The following AKAP13 variants were observed in gnomAD, a reference collection of about 807,000 sequenced individuals.
The protein encoded by AKAP13 is A-kinase anchor protein 13.
AKAP13 carries 80 observed loss-of-function variants against 264.5 expected under a neutral mutation model. The observed-to-expected ratio is 0.30, with a 90% CI of 0.25 to 0.36. AKAP13 has a LOEUF of 0.36. Ranked by LOEUF, AKAP13 falls within the 10% of genes least tolerant of loss-of-function variation. The probability of loss-of-function intolerance (pLI) is 1.00; values close to 1 mark genes in which losing one functional copy is unlikely to be tolerated. For missense variants in AKAP13, 3,712 were observed against 3,435.2 expected (o/e 1.08, Z -2.01); for synonymous variants, 1,380 against 1,250.2 (o/e 1.10, Z -2.19).
rs372002113 is a variant in AKAP13, at chr15:85,686,190, C to CGTGTGT, written c.5289+1317_5289+1318insGTGTGT. On this transcript the variant is annotated intron_variant, in intron 16 of 36. Coordinates refer to ENST00000394518, the MANE Select transcript of AKAP13 (RefSeq NM_007200.5). ...GTATGTGTGTGTGTGCACGTGCATG[C>CGTGTGT]ATGTGTGTGTGTGTGTGGTATATAC... 8.9e-3 allele frequency among the ~76,000 whole-genome samples: 568 copies of CGTGTGT among 63,644 alleles called. 2 individuals are homozygous for CGTGTGT. Among genetic ancestry groups the CGTGTGT allele is most frequent in the South Asian group, 0.018 (35 of 1,976 alleles). The allele number at this position is 63,644 out of a possible 152,430, so 41.8% of individuals were successfully genotyped here. A position where few individuals can be genotyped will look rare whatever the true frequency, so the allele number is the denominator to read the frequency against.
At chr15:85,530,498 A>G (rs535367730) in intron 3 of AKAP13, among the ~76,000 whole-genome samples, 5 of 152,248 alleles carry the variant, frequency 3.3e-5, no homozygotes, top group African/African-American at 4.8e-5. Context: ...TCTGTTTTAC[A>G]TAGTGTAATC....
chr15:85,718,105 A>G lies in AKAP13; in HGVS notation c.5947A>G (p.Lys1983Glu), dbSNP rs762455496. The change falls in exon 22 of 37, where the codon AAG becomes GAG. Residue 1983 changes from lysine (K) to glutamate (E), a missense_variant. By Grantham distance (56) the Lys-to-Glu change is moderately conservative. This residue lies in a region of AKAP13 where 2,759 missense variants were observed against 2,411.7 expected (regional missense o/e 1.14). Transcript: ENST00000394518. This position sits in a 1 kb window ranked among gnomAD's most constrained non-coding sequence, Gnocchi z 4.9. ...GTCTTGGAGTCGGATAATAGACAGC[A>G]AGTTTCTAAAACAGCAAAAGAAAGA... The part of the protein sequence containing the change: ...AESWSRIIDS[K>E]FLKQQKKDVV... 6.2e-7 allele frequency: 1 copy of G among 1,614,198 alleles called. No individual in the cohort carries two copies. The highest frequency in any genetic ancestry group is 1.7e-5 in the Admixed American group (1 of 60,024).
chr15:85,580,832 G>C lies in AKAP13; in HGVS notation c.2764G>C (p.Ala922Pro). 6.2e-7 allele frequency: 1 copy of C among 1,614,102 alleles called. No individual in the cohort carries two copies. The highest frequency in any genetic ancestry group is 8.5e-7 in the Non-Finnish European group (1 of 1,180,034). The change falls in exon 7 of 37, where the codon GCA becomes CCA. Residue 922 changes from alanine (A) to proline (P), a missense_variant. Around this residue, in one of 3 missense-constraint regions of AKAP13, gnomAD observed 2,759 missense variants for 2,411.7 expected, o/e 1.14. Coordinates refer to ENST00000394518, the MANE Select transcript of AKAP13 (RefSeq NM_007200.5). ...GKLLVVSESS[A>P]AQEQDKDKAV... ...ACTTCTGGTGGTTTCAGAAAGCTCT[G>C]CAGCTCAGGAACAAGATAAGGATAA...
At chr15:85,713,162 G>A (rs2086721741) in intron 19 of AKAP13, among the ~76,000 whole-genome samples, 1 of 152,142 alleles carries the variant, frequency 6.6e-6, no homozygotes, top group Admixed American at 6.5e-5. Context: ...ACTTACTTGG[G>A]TAGAATATGG....
chr15:85,586,825 G>T (rs1490271026), intron 8 of AKAP13, among the ~76,000 whole-genome samples: 2 of 151,976 alleles, frequency 1.3e-5, no homozygotes, highest in East Asian at 3.9e-4. Flanking sequence ...CTACTTGGAA[G>T]GCTGAGGCAT....
rs199591631 is a variant in AKAP13, at chr15:85,527,354, T to A, written c.181+5779T>A. ...CCTAGGGCATACAATATTAAGGGAGTGATATCCTCCCAAGGGGGTGAAAAT... is the reference window on the plus strand; with the variant it reads ...CCTAGGGCATACAATATTAAGGGAGAGATATCCTCCCAAGGGGGTGAAAAT... On this transcript the variant is annotated intron_variant, in intron 3 of 36. Transcript: ENST00000394518. 2.0e-5 allele frequency among the ~76,000 whole-genome samples: 3 copies of A among 151,814 alleles called. No homozygotes were observed. In the East Asian group the frequency reaches 5.8e-4, roughly 29 times the overall value.
chr15:85,471,368 G>T lies in AKAP13; in HGVS notation c.-11-14342G>T, dbSNP rs1163222358. ...AAATTAGCCGGGTGTGGTGGCAGGT[G>T]CCTGTAGTCCCAGCTACTCCGGAGG... is the stretch of plus-strand genomic sequence containing the variant. On this transcript the variant is annotated intron_variant, in intron 1 of 36. Transcript: ENST00000394518. 2.0e-5 allele frequency among the ~76,000 whole-genome samples: 3 copies of T among 152,164 alleles called. No individual in the cohort carries two copies. The East Asian group carries it at 5.8e-4, about 29-fold the overall frequency.
At chr15:85,664,860 C>A (rs2083505319) in intron 13 of AKAP13, 105 bp downstream of exon 13, 2 of 1,064,844 alleles carry the variant, frequency 1.9e-6, no homozygotes, top group Non-Finnish European at 2.7e-6. Flanking sequence ...GATTACTTAC[C>A]CATTATATGA....
intron 8 of AKAP13, among the ~76,000 whole-genome samples, chr15:85,613,715 A>ATATATATATATATATATATATATATAT (rs1421387238): frequency 4.2e-4 from 32 of 76,900 alleles, no homozygotes; most frequent in South Asian, 9.3e-4. Context: ...TATATATATT[A>ATATATATATATATATATATATATATAT]GGAGTGCTGA....
intron 16 of AKAP13, among the ~76,000 whole-genome samples, chr15:85,688,206 C>T (rs1380132502): frequency 6.6e-6 from 1 of 152,086 alleles, no homozygotes; most frequent in Non-Finnish European, 1.5e-5. Context: ...ATTTTCTTAA[C>T]ATAGTGATGC....
chr15:85,705,789 T>G (rs552970987), intron 17 of AKAP13, among the ~76,000 whole-genome samples: 4 of 152,326 alleles, frequency 2.6e-5, no homozygotes, highest in Admixed American at 2.6e-4. Flanking sequence ...CCCCTTTGTT[T>G]CCCTGCCCCA....
At chr15:85,604,897 A>C (rs2080252470) in intron 8 of AKAP13, among the ~76,000 whole-genome samples, 1 of 152,206 alleles carries the variant, frequency 6.6e-6, no homozygotes, top group Admixed American at 6.5e-5. Flanking sequence ...AATAAACCAT[A>C]TGCTAAGCTC....
At chr15:85,644,698 A>C (rs1201014542) in intron 9 of AKAP13, among the ~76,000 whole-genome samples, 1 of 78,810 alleles carries the variant, frequency 1.3e-5, no homozygotes, top group Admixed American at 1.3e-4. Context: ...AAATACAAAA[A>C]AAAAAAAAAA....
intron 2 of AKAP13, among the ~76,000 whole-genome samples, chr15:85,505,229 C>G (rs528462015): frequency 2.9e-4 from 44 of 152,316 alleles, no homozygotes; most frequent in Non-Finnish European, 1.3e-4. Flanking sequence ...TAAAACTACT[C>G]CATAGACACA....
intron 5 of AKAP13, among the ~76,000 whole-genome samples, chr15:85,550,003 A>G (rs8038867): frequency 0.63 from 95,772 of 151,892 alleles, 31,138 homozygotes; most frequent in African/African-American, 0.78. Context: ...TGCAGCCTCC[A>G]CCTCCCAGGT....
At chr15:85,546,873 A>T (rs1332505167) in intron 5 of AKAP13, among the ~76,000 whole-genome samples, 1 of 151,582 alleles carries the variant, frequency 6.6e-6, no homozygotes, top group Non-Finnish European at 1.5e-5. Flanking sequence ...CCTCCTGAGT[A>T]GCTGGGATTA....
chr15:85,556,771 C>T (rs948734973), intron 5 of AKAP13, among the ~76,000 whole-genome samples: 1 of 152,240 alleles, frequency 6.6e-6, no homozygotes. Context: ...TGTTCCCTAA[C>T]TCTGCATGCT....
At chr15:85,744,517 A>G (rs1597255538) in intron 36 of AKAP13, 111 bp from the exon 37 acceptor site, 1 of 1,183,182 alleles carries the variant, frequency 8.5e-7, no homozygotes, top group East Asian at 2.3e-5. Context: ...TTAATTGCCC[A>G]TAAGCCCCAG....
In AKAP13 at chr15:85,570,163, G is replaced by A. The variant is rs1347057187; in HGVS notation, c.663-4968G>A. Among the ~76,000 whole-genome samples, 6 of 150,738 alleles carry A rather than the reference G, an allele frequency of 4.0e-5. No individual in the cohort carries two copies. The East Asian group carries it at 1.2e-3, about 30-fold the overall frequency. On this transcript the variant is annotated intron_variant, in intron 5 of 36. Coordinates refer to ENST00000394518, the MANE Select transcript of AKAP13 (RefSeq NM_007200.5). ...AAAGCTTTGGTAGCATTCAGAGTGAGTAGGAGGCCGGGTGTGGTGGCTGAC... is the reference window on the plus strand; with the variant it reads ...AAAGCTTTGGTAGCATTCAGAGTGAATAGGAGGCCGGGTGTGGTGGCTGAC...
Sources: allele counts gnomAD v4.1 joint callset (sites outside exome capture counted in the v4.1 genomes callset), GRCh38; gene constraint gnomAD v4.1.1; regional missense constraint gnomAD v4.1.1; non-coding constraint Gnocchi (gnomAD v3.1); transcripts MANE v1.5; gene names NCBI Gene and HGNC (gene_info 2026-07-23, HGNC 2026-07-21).